The following SCOC variants were observed in gnomAD, a reference collection of about 807,000 sequenced individuals.
The protein encoded by SCOC is short coiled coil protein.
A neutral mutation model predicts 9.9 loss-of-function variants in SCOC; 7 were observed. That is an observed-to-expected ratio of 0.71 (90% CI 0.40 to 1.33). The LOEUF is 1.33. SCOC is among the 40% of genes most tolerant of loss of function. SCOC has a pLI of 0.01. For synonymous variants in SCOC, 19 were observed against 28.2 expected, an observed-to-expected ratio of 0.67 and a Z score of 1.03; for missense variants, 66 against 89.7, an observed-to-expected ratio of 0.74 and a Z score of 1.07.
chr4:140,334,640 A>G (rs573226924), intron 1 of SCOC, among the ~76,000 whole-genome samples: 133 of 152,338 alleles, frequency 8.7e-4, no homozygotes, highest in African/African-American at 3.1e-3. Context: ...GTAAGGGTAC[A>G]GTACCATATT....
intron 1 of SCOC, among the ~76,000 whole-genome samples, chr4:140,269,418 C>T (rs1371295741): frequency 7.2e-5 from 11 of 152,068 alleles, no homozygotes; most frequent in East Asian, 1.9e-4. Flanking sequence ...CATCTGACTA[C>T]GCTGAAGCCA....
chr4:140,283,098 T>C (rs955936400), intron 1 of SCOC, among the ~76,000 whole-genome samples: 4 of 152,226 alleles, frequency 2.6e-5, no homozygotes, highest in African/African-American at 9.6e-5. Context: ...GTTTATACAT[T>C]TTCTTTCTCT....
At chr4:140,326,924 G>T (rs6848244) in intron 1 of SCOC, among the ~76,000 whole-genome samples, 45,051 of 151,898 alleles carry the variant, frequency 0.3, 9,222 homozygotes, top group African/African-American at 0.59. Flanking sequence ...CTTGGAAGTG[G>T]GCAGCCATGA....
At chr4:140,326,458 C>CA (rs949516484) in intron 1 of SCOC, among the ~76,000 whole-genome samples, 4 of 151,922 alleles carry the variant, frequency 2.6e-5, no homozygotes, top group African/African-American at 4.8e-5. Flanking sequence ...GAAAACAAAA[C>CA]AAAAAAACAA....
intron 1 of SCOC, among the ~76,000 whole-genome samples, chr4:140,272,064 T>G (rs1730858319): frequency 6.6e-6 from 1 of 151,300 alleles, no homozygotes; most frequent in African/African-American, 2.4e-5. Context: ...TCACTTTTTT[T>G]TTTTTTTTTT....
chr4:140,259,901 C>T (rs973692924), intron 1 of SCOC, among the ~76,000 whole-genome samples: 75 of 152,182 alleles, frequency 4.9e-4, no homozygotes, highest in African/African-American at 1.8e-3. Flanking sequence ...ATGGGTTTAC[C>T]TCTCCTCATC....
intron 2 of SCOC, among the ~76,000 whole-genome samples, chr4:140,344,264 T>C (rs1730472812): frequency 6.6e-6 from 1 of 152,136 alleles, no homozygotes; most frequent in South Asian, 2.1e-4. Context: ...CAGTGCTGAA[T>C]TGCACAATGT....
intron 1 of SCOC, among the ~76,000 whole-genome samples, chr4:140,282,225 A>G (rs1006906506): frequency 6.6e-6 from 1 of 152,198 alleles, no homozygotes; most frequent in Non-Finnish European, 1.5e-5. Context: ...TGGGGAAATC[A>G]TTTAAATTCA....
intron 1 of SCOC, among the ~76,000 whole-genome samples, chr4:140,274,158 A>C (rs1730924862): frequency 6.6e-6 from 1 of 152,254 alleles, no homozygotes; most frequent in East Asian, 1.9e-4. Flanking sequence ...TAAATAGATG[A>C]GCGAGTTTAA....
At chr4:140,366,109 A>C in intron 2 of SCOC, 1 of 382,700 alleles carries the variant, frequency 2.6e-6, no homozygotes, top group Non-Finnish European at 4.8e-6. Flanking sequence ...GTATAATGCA[A>C]TTTTAAAAAT....
At chr4:140,279,644 G>T (rs751710559) in intron 1 of SCOC, among the ~76,000 whole-genome samples, 2 of 152,268 alleles carry the variant, frequency 1.3e-5, no homozygotes, top group Non-Finnish European at 2.9e-5. Flanking sequence ...AGAATAAAAA[G>T]GCCTGCTGCC....
At chr4:140,327,949 T>C (rs1276654739) in intron 1 of SCOC, among the ~76,000 whole-genome samples, 1 of 152,092 alleles carries the variant, frequency 6.6e-6, no homozygotes, top group Non-Finnish European at 1.5e-5. Context: ...TTCAAAGATC[T>C]CCCTGCCAGC....
In SCOC at chr4:140,382,540, A is replaced by C. The variant is rs1402365899; in HGVS notation, c.*1436A>C. 6.6e-6 allele frequency: 1 copy of C among 152,666 alleles called. No homozygotes were observed. The highest frequency in any genetic ancestry group is 2.4e-5 in the African/African-American group (1 of 41,456). 9.5% of individuals were successfully genotyped at this position (152,666 alleles called of 1,614,324 possible). ...AGTTCTGCTTTGCCGTTTAATAAAAAGCTATTTCAGAGGTTGTGTGTGTTT... is the reference window on the plus strand; with the variant it reads ...AGTTCTGCTTTGCCGTTTAATAAAACGCTATTTCAGAGGTTGTGTGTGTTT... On this transcript the variant is annotated 3_prime_UTR_variant, in exon 4 of 4. Transcript: ENST00000608372.
intron 1 of SCOC, among the ~76,000 whole-genome samples, chr4:140,262,718 A>C (rs1730658155): frequency 6.6e-6 from 1 of 152,170 alleles, no homozygotes; most frequent in Admixed American, 6.5e-5. Context: ...ACACAGTTCC[A>C]CATGCTGTAC....
chr4:140,344,984 C>T (rs991963304), intron 2 of SCOC, among the ~76,000 whole-genome samples: 1 of 152,102 alleles, frequency 6.6e-6, no homozygotes, highest in African/African-American at 2.4e-5. Context: ...CTCTGACGCA[C>T]CTCATCACAC....
intron 2 of SCOC, among the ~76,000 whole-genome samples, chr4:140,347,460 G>A (rs1726788116): frequency 6.6e-6 from 1 of 152,050 alleles, no homozygotes; most frequent in Non-Finnish European, 1.5e-5. Context: ...CCACTCCCCT[G>A]GCTTTGATGC....
At chr4:140,258,057 G>A (rs903550135) in intron 1 of SCOC, among the ~76,000 whole-genome samples, 1 of 152,148 alleles carries the variant, frequency 6.6e-6, no homozygotes, top group African/African-American at 2.4e-5. Context: ...TAGGTCGTCC[G>A]GCTGCTCCCA....
Position 140,381,290 on chromosome 4 carries a change from G to T in SCOC, c.*186G>T. On this transcript the variant is annotated 3_prime_UTR_variant, in exon 4 of 4. Coordinates refer to ENST00000608372, the MANE Select transcript of SCOC (RefSeq NM_001153484.2). ...AAGTTTGTGTATTATGTTAGTCTAT[G>T]AAAACGTGCAAATGTATTGTAGAGA... 2.0e-6 allele frequency: 1 copy of T among 498,564 alleles called. No homozygotes were observed. 30.9% of individuals were successfully genotyped at this position (498,564 alleles called of 1,614,324 possible). A position where few individuals can be genotyped will look rare whatever the true frequency, so the allele number is the denominator to read the frequency against.
chr4:140,341,763 T>C (rs11944665), upstream of SCOC, among the ~76,000 whole-genome samples: 29,925 of 152,112 alleles, frequency 0.2, 3,827 homozygotes, highest in African/African-American at 0.36. Flanking sequence ...ACTACATTTG[T>C]ACAGAGGTCT....
Sources: allele counts gnomAD v4.1 joint callset (sites outside exome capture counted in the v4.1 genomes callset), GRCh38; gene constraint gnomAD v4.1.1; transcripts MANE v1.5; gene names NCBI Gene and HGNC (gene_info 2026-07-23, HGNC 2026-07-21).